KLF12: variants seen among roughly 807,000 people sequenced by gnomAD.
KLF12 encodes Krueppel-like factor 12.
KLF12 carries 9 observed loss-of-function variants against 37.8 expected under a neutral mutation model. The ratio of observed to expected loss-of-function variants is 0.24; its 90% CI spans 0.14 to 0.42. The LOEUF is 0.42. Ranked by LOEUF, KLF12 falls within the 10% of genes least tolerant of loss-of-function variation. The pLI is 1.00. For missense variants in KLF12, 411 were observed against 516.0 expected, an observed-to-expected ratio of 0.80 and a Z score of 1.97; for synonymous variants, 208 against 202.1, an observed-to-expected ratio of 1.03 and a Z score of -0.25.
At chr13:74,038,746 G>A (rs991828939) in intron 1 of KLF12, among the ~76,000 whole-genome samples, 2 of 152,080 alleles carry the variant, frequency 1.3e-5, no homozygotes, top group Admixed American at 1.3e-4. Context: ...AAAGTAAGTT[G>A]ACTGCTTTTG....
At chr13:73,855,434 G>C (rs1281978028) in intron 3 of KLF12, among the ~76,000 whole-genome samples, 1 of 152,176 alleles carries the variant, frequency 6.6e-6, no homozygotes, top group Non-Finnish European at 1.5e-5. Flanking sequence ...TTTTGTGTGT[G>C]TGTGTGGCTG....
intron 3 of KLF12, among the ~76,000 whole-genome samples, chr13:73,912,720 G>C (rs144690844): frequency 6.6e-6 from 1 of 152,136 alleles, no homozygotes; most frequent in African/African-American, 2.4e-5. Context: ...CCACGTTTGT[G>C]GTCATTTGTT....
At chr13:74,302,853 A>G in the KLF12 span, among the ~76,000 whole-genome samples, 1 of 152,104 alleles carries the variant, frequency 6.6e-6, no homozygotes. Context: ...TTCCAAAAGA[A>G]AAGGGGAAAT....
At chr13:73,906,476 T>A (rs1236325244) in intron 3 of KLF12, among the ~76,000 whole-genome samples, 2 of 152,238 alleles carry the variant, frequency 1.3e-5, no homozygotes, top group Non-Finnish European at 2.9e-5. Context: ...TTTTTATTTC[T>A]ACAATATTTC....
the KLF12 span, among the ~76,000 whole-genome samples, chr13:74,149,597 G>A: frequency 3.9e-5 from 6 of 152,032 alleles, no homozygotes; most frequent in South Asian, 2.1e-4. Flanking sequence ...AATGGACTCC[G>A]TGCTTCCATC....
At chr13:74,136,124 G>A (rs1475293836), upstream of KLF12, among the ~76,000 whole-genome samples, 2 of 152,212 alleles carry the variant, frequency 1.3e-5, no homozygotes, top group Non-Finnish European at 2.9e-5. Flanking sequence ...CGAAGAGGAA[G>A]AAATGTCTGA....
At chr13:74,045,383 T>C (rs1893516331) in intron 1 of KLF12, among the ~76,000 whole-genome samples, 3 of 152,058 alleles carry the variant, frequency 2.0e-5, no homozygotes, top group African/African-American at 7.2e-5. Flanking sequence ...TGAGAGACAC[T>C]CTACAAAATA....
At chr13:74,096,158 C>T (rs1875974885) in intron 1 of KLF12, among the ~76,000 whole-genome samples, 1 of 152,308 alleles carries the variant, frequency 6.6e-6, no homozygotes, top group Admixed American at 6.5e-5. Flanking sequence ...TTAGAAAGCT[C>T]AGAAAACTTC....
the KLF12 span, among the ~76,000 whole-genome samples, chr13:74,159,968 C>G: frequency 7.1e-6 from 1 of 141,046 alleles, no homozygotes; most frequent in South Asian, 2.3e-4. Context: ...CATCACTACA[C>G]TCCAGCCTGT....
At chr13:73,802,631 C>T (rs562132673) in intron 5 of KLF12, among the ~76,000 whole-genome samples, 3 of 152,112 alleles carry the variant, frequency 2.0e-5, no homozygotes, top group African/African-American at 4.8e-5. Flanking sequence ...CTCCCTCCCC[C>T]TCTAGTAGTT....
intron 4 of KLF12, among the ~76,000 whole-genome samples, chr13:73,824,997 A>G (rs1566396520): frequency 6.6e-6 from 1 of 151,944 alleles, no homozygotes; most frequent in Admixed American, 6.6e-5. Context: ...TGAACCCAGG[A>G]GGCGGAGGTT....
At chr13:74,174,548 T>G in the KLF12 span, among the ~76,000 whole-genome samples, 1 of 152,054 alleles carries the variant, frequency 6.6e-6, no homozygotes, top group Non-Finnish European at 1.5e-5. Context: ...TGGTACAGCC[T>G]TAGTCTTAAC....
chr13:74,251,270 G>T, the KLF12 span, among the ~76,000 whole-genome samples: 1 of 151,986 alleles, frequency 6.6e-6, no homozygotes, highest in Non-Finnish European at 1.5e-5. Flanking sequence ...TCCTGCCCCA[G>T]CCTCTCAAGT....
chr13:74,146,100 A>G, the KLF12 span, among the ~76,000 whole-genome samples: 1 of 152,204 alleles, frequency 6.6e-6, no homozygotes, highest in Non-Finnish European at 1.5e-5. Context: ...GAGCATACAG[A>G]AAGTACTTAA....
At chr13:73,843,645 G>A (rs1332527617) in intron 4 of KLF12, among the ~76,000 whole-genome samples, 1 of 151,970 alleles carries the variant, frequency 6.6e-6, no homozygotes, top group African/African-American at 2.4e-5. Context: ...AATCTTCTAG[G>A]CTAGATCATG....
chr13:73,756,508 G>A (rs1594054285), intron 6 of KLF12, among the ~76,000 whole-genome samples: 1 of 152,268 alleles, frequency 6.6e-6, no homozygotes, highest in South Asian at 2.1e-4. Context: ...AAAGGACCTA[G>A]TAACTAATGA....
At chr13:73,770,235 C>G (rs1376551839) in intron 5 of KLF12, among the ~76,000 whole-genome samples, 1 of 152,072 alleles carries the variant, frequency 6.6e-6, no homozygotes, top group Non-Finnish European at 1.5e-5. Context: ...CTCGGTTGTA[C>G]TGAATACAAG....
chr13:73,811,102 C>T (rs975960871), intron 5 of KLF12, among the ~76,000 whole-genome samples: 10 of 145,956 alleles, frequency 6.9e-5, no homozygotes, highest in Non-Finnish European at 1.3e-4. Context: ...TCTCCTGCCT[C>T]AGCCTCCCGA....
intron 2 of KLF12, among the ~76,000 whole-genome samples, chr13:73,983,935 G>A (rs1274127131): frequency 1.3e-5 from 2 of 152,172 alleles, no homozygotes; most frequent in African/African-American, 4.8e-5. Context: ...GGTATTCTAG[G>A]GCAGATGAGC....
Sources: gnomAD v4.1 joint callset for allele counts (sites outside exome capture counted in the v4.1 genomes callset) on GRCh38, gnomAD v4.1.1 for gene constraint, MANE v1.5 for transcripts, NCBI Gene and HGNC (gene_info 2026-07-23, HGNC 2026-07-21) for gene names.